SHOC2: variants seen among roughly 807,000 people sequenced by gnomAD.
The protein encoded by SHOC2 is leucine-rich repeat protein SHOC-2.
Under a neutral mutation model 50.2 loss-of-function variants are expected in SHOC2, and 4 were observed. That is an observed-to-expected ratio of 0.08 (90% confidence interval 0.04 to 0.18). SHOC2 has a LOEUF of 0.18. Ranked by LOEUF, SHOC2 falls within the 10% of genes least tolerant of loss-of-function variation. The pLI is 1.00. For synonymous variants in SHOC2, 218 were observed against 244.5 expected, an observed-to-expected ratio of 0.89 and a Z score of 1.01; for missense variants, 388 against 669.6, an observed-to-expected ratio of 0.58 and a Z score of 4.64.
At chr10:110,991,846 C>T (rs1484282147) in intron 3 of SHOC2, among the ~76,000 whole-genome samples, 1 of 152,142 alleles carries the variant, frequency 6.6e-6, no homozygotes, top group Non-Finnish European at 1.5e-5. Flanking sequence ...TGATACTTCT[C>T]CTTTTTTAAA....
chr10:110,958,166 A>T (rs536010116), intron 1 of SHOC2, among the ~76,000 whole-genome samples: 6 of 151,166 alleles, frequency 4.0e-5, no homozygotes, highest in Non-Finnish European at 8.8e-5. Flanking sequence ...TTCCTAGTTT[A>T]TGTGTACCTC....
chr10:110,996,933 C>T (rs188521166), intron 3 of SHOC2, among the ~76,000 whole-genome samples: 2 of 152,132 alleles, frequency 1.3e-5, no homozygotes, highest in African/African-American at 2.4e-5. Context: ...GTGCACTTGT[C>T]GAGAGGTGGG....
rs114070707 is a variant in SHOC2, at chr10:110,945,353, A to G, written c.-234-18772A>G. Among the ~76,000 whole-genome samples the G allele has an allele frequency of 5.2e-3, 791 of 152,282 alleles. 8 individuals carry two copies. The highest frequency in any genetic ancestry group is 0.018 in the African/African-American group (758 of 41,554). Reference sequence around the variant, plus strand: ...CTTGCTGCTTTTTAACGTAGCTTCTAGAGTGCACTGGGAATGTGAGCTGTC... The same window carrying G: ...CTTGCTGCTTTTTAACGTAGCTTCTGGAGTGCACTGGGAATGTGAGCTGTC... On this transcript the variant is annotated intron_variant, in intron 1 of 8. Transcript: ENST00000369452.
chr10:111,005,242 C>T (rs1848447036), intron 5 of SHOC2, among the ~76,000 whole-genome samples: 1 of 152,090 alleles, frequency 6.6e-6, no homozygotes, highest in African/African-American at 2.4e-5. Flanking sequence ...CCACTGCACT[C>T]CAGCCTAGGC....
intron 5 of SHOC2, among the ~76,000 whole-genome samples, chr10:111,005,822 C>A (rs557672490): frequency 6.6e-6 from 1 of 152,288 alleles, no homozygotes; most frequent in South Asian, 2.1e-4. Context: ...TAGTATTCTT[C>A]CTGTCATGAT....
chr10:110,998,207 C>A (rs1848303935), intron 3 of SHOC2, among the ~76,000 whole-genome samples: 1 of 152,062 alleles, frequency 6.6e-6, no homozygotes. Flanking sequence ...CCATGTTGAC[C>A]AGACTGGTCT....
chr10:110,978,595 A>G (rs974755324), intron 2 of SHOC2, among the ~76,000 whole-genome samples: 2 of 152,354 alleles, frequency 1.3e-5, no homozygotes, highest in East Asian at 3.9e-4. Context: ...TAAAGACCAC[A>G]GTTGGCAACT....
At chr10:110,963,915 C>T (rs1010200396) in intron 1 of SHOC2, among the ~76,000 whole-genome samples, 2 of 152,134 alleles carry the variant, frequency 1.3e-5, no homozygotes, top group African/African-American at 4.8e-5. Flanking sequence ...TACATTCATA[C>T]ATCTTCCTAT....
Position 110,940,910 on chromosome 10 carries a change from GTTTTTTT to G in SHOC2, c.-235+21285_-235+21291del, listed in dbSNP as rs539552844. Among the ~76,000 whole-genome samples the G allele has an allele frequency of 3.3e-5, 4 of 119,474 alleles. No individual in the cohort carries two copies. In the South Asian group the frequency reaches 8.3e-4, roughly 25 times the overall value. 78.4% of individuals were successfully genotyped at this position (119,474 alleles called of 152,430 possible). A position where few individuals can be genotyped will look rare whatever the true frequency, so the allele number is the denominator to read the frequency against. ...GACAAAATAGTGGTATTTGTGGTGG[GTTTTTTT>G]TTTTTTTTTTTTTTTTTTTTTTTTT... On this transcript the variant is annotated intron_variant, in intron 1 of 8. Coordinates refer to ENST00000369452, the MANE Select transcript of SHOC2 (RefSeq NM_007373.4).
intron 1 of SHOC2, among the ~76,000 whole-genome samples, chr10:110,940,314 C>T (rs1047914291): frequency 3.9e-5 from 6 of 152,008 alleles, no homozygotes; most frequent in African/African-American, 1.5e-4. Context: ...GGTGTATGTT[C>T]TTCTATTTCT....
chr10:110,973,010 A>C lies in SHOC2; in HGVS notation c.703+7949A>C, dbSNP rs532353275. Among the ~76,000 whole-genome samples the C allele has an allele frequency of 9.5e-3, 1,450 of 152,284 alleles. 10 individuals are homozygous for C. Among genetic ancestry groups the C allele is most frequent in the Non-Finnish European group, 0.012 (816 of 68,012 alleles). ...ATCAGAGGAGCATTGTCACTTGTCCATGTCCCTTAGTTGCAGAAAACTTGC... is the reference window on the plus strand; with the variant it reads ...ATCAGAGGAGCATTGTCACTTGTCCCTGTCCCTTAGTTGCAGAAAACTTGC... On this transcript the variant is annotated intron_variant, in intron 2 of 8. Coordinates refer to ENST00000369452, the MANE Select transcript of SHOC2 (RefSeq NM_007373.4).
intron 8 of SHOC2, 120 bp downstream of exon 8, chr10:111,009,950 GA>G (rs1387624470): frequency 3.5e-5 from 24 of 678,336 alleles, no homozygotes; most frequent in South Asian, 2.8e-4. Context: ...TCAGGCTTAA[GA>G]TTTTTTTTTT....
chr10:110,933,768 C>T (rs1285287758), intron 1 of SHOC2, among the ~76,000 whole-genome samples: 1 of 152,156 alleles, frequency 6.6e-6, no homozygotes, highest in Non-Finnish European at 1.5e-5. Flanking sequence ...TGTGAACAGC[C>T]TAGACACTGC....
chr10:110,958,161 A>G (rs1347525210), intron 1 of SHOC2, among the ~76,000 whole-genome samples: 4 of 150,850 alleles, frequency 2.7e-5, no homozygotes, highest in South Asian at 2.1e-4. Context: ...ACCCTTTCCT[A>G]GTTTATGTGT....
chr10:110,939,954 A>T (rs1847103505), intron 1 of SHOC2, among the ~76,000 whole-genome samples: 1 of 152,224 alleles, frequency 6.6e-6, no homozygotes. Flanking sequence ...AAGGTGCTGA[A>T]TTAAAATTTA....
chr10:110,936,729 G>A (rs1287366619), intron 1 of SHOC2: 3 of 929,054 alleles, frequency 3.2e-6, no homozygotes, highest in Admixed American at 1.9e-5. Flanking sequence ...TTCTTCTTCC[G>A]GTAGTGGATT....
intron 3 of SHOC2, among the ~76,000 whole-genome samples, chr10:110,999,756 A>AG (rs1310584145): frequency 6.7e-6 from 1 of 149,444 alleles, no homozygotes; most frequent in Non-Finnish European, 1.5e-5. Context: ...AAAAAAAAAA[A>AG]AAAGAAAGAA....
intron 1 of SHOC2, among the ~76,000 whole-genome samples, chr10:110,926,093 C>T (rs1212370306): frequency 6.6e-6 from 1 of 152,166 alleles, no homozygotes; most frequent in Non-Finnish European, 1.5e-5. Flanking sequence ...TTTTGTATCC[C>T]AGACTTTGGG....
chr10:110,961,224 G>A (rs1847566031), intron 1 of SHOC2, among the ~76,000 whole-genome samples: 1 of 152,124 alleles, frequency 6.6e-6, no homozygotes, highest in Non-Finnish European at 1.5e-5. Flanking sequence ...ACCTAAATGA[G>A]TGCAAGATTC....
Sources: gnomAD v4.1 joint callset for allele counts (sites outside exome capture counted in the v4.1 genomes callset) on GRCh38, gnomAD v4.1.1 for gene constraint, MANE v1.5 for transcripts, NCBI Gene and HGNC (gene_info 2026-07-23, HGNC 2026-07-21) for gene names.